The following GPLD1 variants were observed in gnomAD, a reference collection of about 807,000 sequenced individuals.
GPLD1 encodes the protein glycosylphosphatidylinositol specific phospholipase D1.
Under a neutral mutation model 112.6 loss-of-function variants are expected in GPLD1, and 84 were observed. The observed-to-expected ratio is 0.75, with a 90% CI of 0.63 to 0.89. The LOEUF (loss-of-function observed/expected upper bound fraction) is 0.89. Among genes scored for constraint, GPLD1 ranks in the 40% least tolerant of loss-of-function variants. The pLI is 0.00. For missense variants in GPLD1, 1,044 were observed against 1,051.5 expected, an observed-to-expected ratio of 0.99 and a Z score of 0.10; for synonymous variants, 386 against 403.8, an observed-to-expected ratio of 0.96 and a Z score of 0.53.
intron 20 of GPLD1, among the ~76,000 whole-genome samples, chr6:24,440,530 T>A (rs1449171819): frequency 7.0e-6 from 1 of 142,528 alleles, no homozygotes; most frequent in Non-Finnish European, 1.5e-5. Context: ...ACTATGAAGA[T>A]GTCAAGAAGA....
upstream of GPLD1, among the ~76,000 whole-genome samples, chr6:24,492,316 C>A (rs1341629099): frequency 6.6e-6 from 1 of 151,832 alleles, no homozygotes; most frequent in Non-Finnish European, 1.5e-5. Context: ...ACCAGCCTGG[C>A]CAACATGGTG....
intron 20 of GPLD1, among the ~76,000 whole-genome samples, chr6:24,441,293 C>T (rs9467159): frequency 0.062 from 8,954 of 145,024 alleles, 626 homozygotes; most frequent in African/African-American, 0.18. Context: ...GGCAAGAGAG[C>T]GAGACTCTAT....
At chr6:24,437,946 A>T (rs1762631938) in intron 20 of GPLD1, among the ~76,000 whole-genome samples, 1 of 152,004 alleles carries the variant, frequency 6.6e-6, no homozygotes, top group Non-Finnish European at 1.5e-5. Context: ...ACATAATAAC[A>T]CCGAGTCCAG....
intron 10 of GPLD1, among the ~76,000 whole-genome samples, chr6:24,464,812 G>A (rs1299454143): frequency 6.6e-6 from 1 of 152,204 alleles, no homozygotes; most frequent in Non-Finnish European, 1.5e-5. Flanking sequence ...TTCGGGGGCT[G>A]CCCTGTGCTT....
At position 24,466,895 on chromosome 6, in the gene GPLD1, A is replaced by G; in HGVS notation, c.681+17T>C. 1 of 1,606,154 alleles carries G rather than the reference A, an allele frequency of 6.2e-7. No homozygotes were observed. Among genetic ancestry groups the G allele is most frequent in the South Asian group, 1.1e-5 (1 of 90,866 alleles). On this transcript the variant is annotated intron_variant, in intron 9 of 24. Transcript: ENST00000230036. ...ATCTTTATAATCCTTTAAGATTTGG[A>G]AGAATGACGCCTTTACCTTGGAAAC...
At chr6:24,433,483 A>ACTT (rs1762470774) in intron 22 of GPLD1, 94 bp from the exon 23 acceptor site, 1 of 508,726 alleles carries the variant, frequency 2.0e-6, no homozygotes, top group African/African-American at 3.0e-5. Flanking sequence ...CCTCATTTCT[A>ACTT]CTTTTTTTTT....
chr6:24,467,518 G>C (rs375169364), intron 7 of GPLD1, among the ~76,000 whole-genome samples: 5 of 152,274 alleles, frequency 3.3e-5, no homozygotes, highest in East Asian at 1.9e-4. Context: ...CAATGATGCA[G>C]AGCAAACAAC....
At chr6:24,446,307 G>A (rs1762907413) in intron 18 of GPLD1, among the ~76,000 whole-genome samples, 1 of 151,296 alleles carries the variant, frequency 6.6e-6, no homozygotes, top group Non-Finnish European at 1.5e-5. Context: ...ACGAGCCTGG[G>A]CAACACTGCA....
rs927475220 is a variant in GPLD1, at chr6:24,428,390, C to G, written c.*642G>C. ...TTTCCTGATCTCTCCCTCCTCCCACCTTCCGCCCTCTCATAGGCCCCAGTG... is the reference window on the plus strand; with the variant it reads ...TTTCCTGATCTCTCCCTCCTCCCACGTTCCGCCCTCTCATAGGCCCCAGTG... On this transcript the variant is annotated 3_prime_UTR_variant, in exon 25 of 25. Coordinates refer to ENST00000230036, the MANE Select transcript of GPLD1 (RefSeq NM_001503.4). The G allele has an allele frequency of 1.3e-5, 2 of 152,168 alleles. No individual in the cohort carries two copies. Among genetic ancestry groups the G allele is most frequent in the Non-Finnish European group, 2.9e-5 (2 of 68,038 alleles). The allele number at this position is 152,168 out of a possible 1,614,324, so 9.4% of individuals were successfully genotyped here.
At chr6:24,432,320 G>A (rs545427147) in intron 24 of GPLD1, among the ~76,000 whole-genome samples, 9 of 151,374 alleles carry the variant, frequency 5.9e-5, no homozygotes, top group South Asian at 2.1e-4. Flanking sequence ...ACTCTGGGCC[G>A]GGTGCAGTGG....
intron 1 of GPLD1, among the ~76,000 whole-genome samples, chr6:24,488,388 G>A (rs1175732582): frequency 6.7e-6 from 1 of 150,138 alleles, no homozygotes; most frequent in Admixed American, 6.6e-5. Flanking sequence ...CTCCAGCATG[G>A]CGGACAGAGC....
chr6:24,465,355 A>T (rs1018852530), intron 10 of GPLD1, among the ~76,000 whole-genome samples: 2 of 152,082 alleles, frequency 1.3e-5, no homozygotes, highest in East Asian at 3.9e-4. Flanking sequence ...AGCCTGGGCA[A>T]CATGGTAAAA....
chr6:24,492,203 C>G (rs1197008509), upstream of GPLD1, among the ~76,000 whole-genome samples: 1 of 152,008 alleles, frequency 6.6e-6, no homozygotes, highest in Non-Finnish European at 1.5e-5. Context: ...GTGGGCCAGT[C>G]TAGAAAATGG....
intron 10 of GPLD1, among the ~76,000 whole-genome samples, chr6:24,465,639 G>T (rs1031540058): frequency 6.6e-6 from 1 of 152,116 alleles, no homozygotes; most frequent in Admixed American, 6.6e-5. Flanking sequence ...TAGGGGTAGT[G>T]TAAGACTCTG....
intron 12 of GPLD1, among the ~76,000 whole-genome samples, chr6:24,457,907 A>C (rs1373261926): frequency 6.6e-6 from 1 of 151,742 alleles, no homozygotes; most frequent in Non-Finnish European, 1.5e-5. Flanking sequence ...AACCACACCC[A>C]AGCTGAGATG....
Position 24,472,576 on chromosome 6 carries a change from T to A in GPLD1, c.545+6A>T, listed in dbSNP as rs778091441. On this transcript the variant is annotated splice_donor_region_variant and intron_variant, in intron 7 of 24. Coordinates refer to ENST00000230036, the MANE Select transcript of GPLD1 (RefSeq NM_001503.4). ...TACCACATATTTAGATGTACATTGC[T>A]CTTACCAGCGTCGTGCAAGGTAATT... is the stretch of plus-strand genomic sequence containing the variant. 2 of 1,549,494 alleles carry A rather than the reference T, an allele frequency of 1.3e-6. No individual in the cohort carries two copies. The highest frequency in any genetic ancestry group is 3.3e-5 in the Admixed American group (2 of 59,870).
At chr6:24,485,170 A>G (rs116470942) in intron 2 of GPLD1, among the ~76,000 whole-genome samples, 1,557 of 152,318 alleles carry the variant, frequency 0.01, 25 homozygotes, top group African/African-American at 0.034. Context: ...TGGTGATGCA[A>G]TTTGTGCTCA....
chr6:24,493,357 C>T (rs964636792), upstream of GPLD1, among the ~76,000 whole-genome samples: 14 of 152,058 alleles, frequency 9.2e-5, no homozygotes, highest in African/African-American at 2.9e-4. Context: ...ACACCTGTAG[C>T]CCCATCTACT....
At position 24,425,869 on chromosome 6, in the gene GPLD1, C is replaced by T. The variant is rs116387191; in HGVS notation, c.*3163G>A. The T allele has an allele frequency of 6.6e-6, 1 of 152,254 alleles. No homozygotes were observed. Among genetic ancestry groups the T allele is most frequent in the African/African-American group, 2.4e-5 (1 of 41,542 alleles). 9.4% of individuals were successfully genotyped at this position (152,254 alleles called of 1,614,324 possible). On this transcript the variant is annotated 3_prime_UTR_variant, in exon 25 of 25. Transcript: ENST00000230036. The stretch of plus-strand genomic sequence containing the variant: ...AAGCTATTTATTTTGGTGAGTTATT[C>T]CAAGAGTTGTATACAGCTTTATTTT...
Sources: gnomAD v4.1 joint callset for allele counts (sites outside exome capture counted in the v4.1 genomes callset) on GRCh38, gnomAD v4.1.1 for gene constraint, MANE v1.5 for transcripts, NCBI Gene and HGNC (gene_info 2026-07-23, HGNC 2026-07-21) for gene names.